The following CHRNB4 variants were observed in gnomAD, a reference collection of about 807,000 sequenced individuals.
CHRNB4 encodes neuronal acetylcholine receptor subunit beta-4.
Under a neutral mutation model 40.4 loss-of-function variants are expected in CHRNB4, and 23 were observed. The observed-to-expected ratio is 0.57, with a 90% confidence interval of 0.41 to 0.81. The LOEUF (loss-of-function observed/expected upper bound fraction) is 0.81, where lower values mean the gene tolerates loss of function less well. CHRNB4 is among the 30% of genes least tolerant of loss of function. CHRNB4 has a pLI of 0.00. For synonymous variants in CHRNB4, 285 were observed against 274.4 expected (o/e 1.04, Z -0.38); for missense variants, 568 against 670.6 (o/e 0.85, Z 1.69).
At chr15:78,644,996 C>G (rs1223205904), upstream of CHRNB4, among the ~76,000 whole-genome samples, 1 of 152,140 alleles carries the variant, frequency 6.6e-6, no homozygotes, top group East Asian at 1.9e-4. Context: ...CCTTGCTGAT[C>G]CTGGAGAGAC....
upstream of CHRNB4, chr15:78,660,664 G>A (rs2054244649): frequency 5.6e-6 from 1 of 179,144 alleles, no homozygotes; most frequent in Non-Finnish European, 1.2e-5. Context: ...CCTCATGCTT[G>A]TCCATCACTC....
In CHRNB4 at chr15:78,638,433, G is replaced by T. The variant is rs1037147852; in HGVS notation, c.55+2646C>A. Among the ~76,000 whole-genome samples, 35 of 152,366 alleles carry T rather than the reference G, an allele frequency of 2.3e-4. 1 individual carries two copies. Among genetic ancestry groups the T allele is most frequent in the African/African-American group, 8.2e-4 (34 of 41,592 alleles). On this transcript the variant is annotated intron_variant, in intron 1 of 5. Coordinates refer to ENST00000261751, the MANE Select transcript of CHRNB4 (RefSeq NM_000750.5). ...GAAGAAACTTTCTCAAGTGCCCCCA[G>T]CAAGTCAGAGGAGGAACCAGGTATA...
chr15:78,637,159 C>T (rs1412378367), intron 1 of CHRNB4, among the ~76,000 whole-genome samples: 2 of 152,218 alleles, frequency 1.3e-5, no homozygotes, highest in East Asian at 1.9e-4. Context: ...TAAATACCGC[C>T]TCATGCAGGG....
chr15:78,647,500 A>G (rs1219278674), intron 7 of CHRNB4, among the ~76,000 whole-genome samples: 1 of 151,902 alleles, frequency 6.6e-6, no homozygotes, highest in East Asian at 1.9e-4. Context: ...CAGAAGTGAT[A>G]ATGAGATACT....
chr15:78,646,542 A>G (rs1315359507), intron 7 of CHRNB4, among the ~76,000 whole-genome samples: 3 of 152,218 alleles, frequency 2.0e-5, no homozygotes, highest in African/African-American at 7.2e-5. Context: ...TCTAGAGGCT[A>G]GATGTCCAAG....
chr15:78,657,100 C>T (rs756683208), intron 3 of CHRNB4, among the ~76,000 whole-genome samples: 3 of 151,878 alleles, frequency 2.0e-5, no homozygotes, highest in Admixed American at 6.6e-5. Context: ...CCCTGGCTCA[C>T]TGTAACCTCT....
upstream of CHRNB4, among the ~76,000 whole-genome samples, chr15:78,642,478 C>T (rs563903353): frequency 6.6e-5 from 10 of 152,252 alleles, no homozygotes; most frequent in South Asian, 1.5e-3. Flanking sequence ...TTGGGATAAG[C>T]GGGGACCAAA....
At position 78,641,098 on chromosome 15, in the gene CHRNB4, C is replaced by G; in HGVS notation, c.36G>C (p.Leu12=). 6.3e-7 allele frequency: 1 copy of G among 1,582,920 alleles called. No homozygotes were observed. Among genetic ancestry groups the G allele is most frequent in the Non-Finnish European group, 8.6e-7 (1 of 1,165,220 alleles). The change falls in exon 1 of 6, where the codon CTG becomes CTC. Residue 12 remains leucine (L), a synonymous_variant. Coordinates refer to ENST00000261751, the MANE Select transcript of CHRNB4 (RefSeq NM_000750.5). ...ACTCACCGCGCCCGCAAAGGGCGAC[C>G]AGGAAGAAAAGGACCAGGGAAGGCG... ...RRAPSLVLFF[L]VALCGRGNCR...
intron 1 of CHRNB4, among the ~76,000 whole-genome samples, chr15:78,639,933 C>T (rs1420407124): frequency 2.0e-5 from 3 of 152,184 alleles, no homozygotes; most frequent in Admixed American, 6.5e-5. Context: ...AGAAGAGCCA[C>T]GATACACAGA....
rs570442924 is a variant in CHRNB4 at position 78,649,149 on chromosome 15, A to G, written c.46+230T>C. On this transcript the variant is annotated intron_variant and NMD_transcript_variant, in intron 7 of 11. Transcript: ENST00000559849. The stretch of plus-strand genomic sequence containing the variant: ...TGTGGAACAGCAGGAGCACTCGCCA[A>G]CTGCTGCTGGGGATGTAAACTGGGG... Among the ~76,000 whole-genome samples the G allele has an allele frequency of 5.9e-5, 9 of 152,282 alleles. No individual in the cohort carries two copies. In the South Asian group the frequency reaches 1.7e-3, roughly 28 times the overall value.
At chr15:78,632,942 A>G (rs2053865419) in intron 2 of CHRNB4, among the ~76,000 whole-genome samples, 1 of 151,956 alleles carries the variant, frequency 6.6e-6, no homozygotes, top group Non-Finnish European at 1.5e-5. Context: ...AGTTCCTGTC[A>G]TTTCCTCCCT....
intron 2 of CHRNB4, 25 bp from the exon 3 acceptor site, chr15:78,631,357 G>A: frequency 1.2e-6 from 2 of 1,610,340 alleles, no homozygotes; most frequent in Admixed American, 1.7e-5. Context: ...GGGGCTATCA[G>A]TTCACCAGGA....
chr15:78,632,397 TCC>T (rs974667770), intron 2 of CHRNB4, among the ~76,000 whole-genome samples: 38 of 152,080 alleles, frequency 2.5e-4, no homozygotes, highest in African/African-American at 8.7e-4. Context: ...AACCTCCACC[TCC>T]CAGGCTCAAG....
exon 4 of CHRNB4, chr15:78,656,352 A>AAAAAAG (rs2054213463): frequency 6.6e-6 from 1 of 151,772 alleles, no homozygotes. Context: ...AAAAAAAAAA[A>AAAAAAG]AAGGAATAAA....
At chr15:78,661,548 C>T (rs2054253334), upstream of CHRNB4, 2 of 538,660 alleles carry the variant, frequency 3.7e-6, no homozygotes, top group East Asian at 4.8e-5. Context: ...GATATCCCGG[C>T]TCTTGGGCTC....
rs375726262 is a variant in CHRNB4, at chr15:78,629,942, G to A, written c.363C>T (p.Ala121=). ...WLPDIVLYNN[A]DGTYEVSVYT... is the part of the protein sequence containing the mutation. ...AGACAGACACCTCATAGGTCCCGTCGGCGCTGGGCAGGGTCAGGGCATGGA... is the reference window on the plus strand; with the variant it reads ...AGACAGACACCTCATAGGTCCCGTCAGCGCTGGGCAGGGTCAGGGCATGGA... Residue 121 remains alanine, a synonymous_variant, in exon 5 of 6, where the codon GCC becomes GCT. Coordinates refer to ENST00000261751, the MANE Select transcript of CHRNB4 (RefSeq NM_000750.5). This position sits in a 1 kb window ranked among gnomAD's most constrained non-coding sequence, Gnocchi z 6.8. 1.4e-5 allele frequency: 22 copies of A among 1,573,100 alleles called. 1 individual carries two copies. In the Admixed American group the frequency reaches 1.4e-4, roughly 10 times the overall value.
chr15:78,657,725 T>G (rs533932729), intron 2 of CHRNB4, among the ~76,000 whole-genome samples: 1 of 152,144 alleles, frequency 6.6e-6, no homozygotes, highest in South Asian at 2.1e-4. Context: ...GGCAATTTTT[T>G]GTATTTTTAG....
chr15:78,634,617 G>A (rs1687102438), intron 2 of CHRNB4: 2 of 429,274 alleles, frequency 4.7e-6, no homozygotes, highest in South Asian at 1.7e-5. Context: ...TCAGAAGGCA[G>A]CTACCTGGCC....
intron 1 of CHRNB4, among the ~76,000 whole-genome samples, chr15:78,637,324 G>A (rs1201073879): frequency 6.6e-6 from 1 of 152,182 alleles, no homozygotes; most frequent in Non-Finnish European, 1.5e-5. Context: ...GTGTCTTCAG[G>A]GAGAATGTGT....
Sources: gnomAD v4.1 joint callset for allele counts (sites outside exome capture counted in the v4.1 genomes callset) on GRCh38, gnomAD v4.1.1 for gene constraint, Gnocchi (gnomAD v3.1) non-coding constraint, MANE v1.5 for transcripts, NCBI Gene and HGNC (gene_info 2026-07-23, HGNC 2026-07-21) for gene names.